The following ANAPC13 variants were observed in gnomAD, a reference collection of about 807,000 sequenced individuals.
The protein encoded by ANAPC13 is anaphase promoting complex subunit 13, also known as anaphase-promoting complex subunit 13.
In ANAPC13, 9 loss-of-function variants were observed where a neutral mutation model predicts 9.6. That is an observed-to-expected ratio of 0.94 (90% confidence interval 0.57 to 1.64). ANAPC13 has a LOEUF of 1.64. Ranked by LOEUF, ANAPC13 falls within the 40% of genes most tolerant of loss-of-function variation. The probability of loss-of-function intolerance (pLI) is 0.00; values close to 1 mark genes in which losing one functional copy is unlikely to be tolerated. For synonymous variants in ANAPC13, 30 were observed against 29.7 expected (o/e 1.01, Z -0.03); for missense variants, 75 against 85.3 (o/e 0.88, Z 0.48).
intron 2 of ANAPC13, among the ~76,000 whole-genome samples, chr3:134,480,154 G>A (rs1052711128): frequency 2.6e-4 from 40 of 152,208 alleles, no homozygotes; most frequent in African/African-American, 9.1e-4. Context: ...TTATTGTAAC[G>A]CAATAATATA....
chr3:134,481,561 T>C (rs781742507), intron 2 of ANAPC13, among the ~76,000 whole-genome samples: 22 of 152,218 alleles, frequency 1.4e-4, no homozygotes, highest in Admixed American at 1.3e-3. Flanking sequence ...TGCCCCCACC[T>C]AGAATATTTA....
At chr3:134,480,020 T>C (rs1463079606) in intron 2 of ANAPC13, among the ~76,000 whole-genome samples, 1 of 152,224 alleles carries the variant, frequency 6.6e-6, no homozygotes, top group Admixed American at 6.5e-5. Context: ...TGAATATGTT[T>C]TCCCCTCTAA....
rs776755714 is a variant in ANAPC13 at position 134,482,885 on chromosome 3, C to T, written c.20G>A (p.Arg7Lys). MDSEVQ[R>K]DGRILDLIDD... ...AATCAAATCCAAGATCCTTCCATCT[C>T]TCTGAACCTCACTGTCCATTTTCCT... The change falls in exon 2 of 3, where the codon AGA (arginine) becomes AAA (lysine). Residue 7 changes from arginine (R) to lysine (K), a missense_variant. Coordinates refer to ENST00000354910, the MANE Select transcript of ANAPC13 (RefSeq NM_015391.4). The T allele has an allele frequency of 1.2e-5, 19 of 1,614,072 alleles. No homozygotes were observed. The highest frequency in any genetic ancestry group is 1.7e-6 in the Non-Finnish European group (2 of 1,179,996).
chr3:134,482,932 C>T lies in ANAPC13; in HGVS notation c.-27-1G>A. ...TCCTGCAGCTTTGATCTTGTCAAAT[C>T]TGTAAGCCAAAGAGGTTATTTCTTA... On this transcript the variant is annotated splice_acceptor_variant, in intron 1 of 2. Coordinates refer to ENST00000354910, the MANE Select transcript of ANAPC13 (RefSeq NM_015391.4). LOFTEE classifies it low-confidence loss of function (5UTR_SPLICE). 6.4e-7 allele frequency: 1 copy of T among 1,570,342 alleles called. No homozygotes were observed. Among genetic ancestry groups the T allele is most frequent in the Non-Finnish European group, 8.8e-7 (1 of 1,140,112 alleles).
chr3:134,485,989 A>G (rs1283754068), upstream of ANAPC13: 5 of 822,080 alleles, frequency 6.1e-6, no homozygotes, highest in East Asian at 2.6e-4. Flanking sequence ...TGCTCCTGCC[A>G]CGCCCCCCCC....
intron 1 of ANAPC13, 147 bp downstream of exon 1, chr3:134,485,805 C>T (rs1447747799): frequency 1.5e-5 from 3 of 202,522 alleles, no homozygotes; most frequent in South Asian, 3.5e-4. Flanking sequence ...AAGTCCCTTT[C>T]CTCCCGACAC....
rs558388673 is a variant in ANAPC13, at chr3:134,483,195, C to T, written c.-27-264G>A. On this transcript the variant is annotated intron_variant, in intron 1 of 2. Transcript: ENST00000354910. ...CAGGAGAGCAACACGTTAAACGAGGCCCTCAAATATTAATATGTTGCATCT... is the reference window on the plus strand; with the variant it reads ...CAGGAGAGCAACACGTTAAACGAGGTCCTCAAATATTAATATGTTGCATCT... 5 of 387,284 alleles carry T rather than the reference C, an allele frequency of 1.3e-5. No homozygotes were observed. The East Asian group carries it at 1.7e-4, about 13-fold the overall frequency. 24.0% of individuals were successfully genotyped at this position (387,284 alleles called of 1,614,324 possible). A position where few individuals can be genotyped will look rare whatever the true frequency, so the allele number is the denominator to read the frequency against.
chr3:134,484,795 G>T (rs1270991278), intron 1 of ANAPC13, among the ~76,000 whole-genome samples: 3 of 152,172 alleles, frequency 2.0e-5, no homozygotes, highest in Non-Finnish European at 4.4e-5. Context: ...GGCCCACGTA[G>T]ATTTTCCACC....
At chr3:134,483,359 GT>G in intron 1 of ANAPC13, 5 of 162,722 alleles carry the variant, frequency 3.1e-5, no homozygotes, top group Non-Finnish European at 6.8e-5. Context: ...AGGCACAGGA[GT>G]CACACGAACA....
At chr3:134,485,865 G>T (rs1460497339) in intron 1 of ANAPC13, 87 bp downstream of exon 1, 2 of 464,374 alleles carry the variant, frequency 4.3e-6, no homozygotes, top group East Asian at 3.1e-4. Context: ...AGCCTCGGCC[G>T]ATGGGAATAG....
At chr3:134,480,871 G>A (rs1934719724) in intron 2 of ANAPC13, among the ~76,000 whole-genome samples, 6 of 152,196 alleles carry the variant, frequency 3.9e-5, no homozygotes. Flanking sequence ...AAGTCACTAA[G>A]CTTTGGGGTG....
rs368766554 is a variant in ANAPC13 at position 134,478,583 on chromosome 3, C to T, written c.*7G>A. The T allele has an allele frequency of 1.4e-5, 23 of 1,611,386 alleles. No individual in the cohort carries two copies. In the African/African-American group the frequency reaches 2.9e-4, roughly 21 times the overall value. On this transcript the variant is annotated 3_prime_UTR_variant, in exon 3 of 3. Coordinates refer to ENST00000354910, the MANE Select transcript of ANAPC13 (RefSeq NM_015391.4). ...AGAAAATCCATCCACAAGAAAGGAG[C>T]CAAGCGTCAGTTTCCAATGGGGGGA...
intron 2 of ANAPC13, 200 bp downstream of exon 2, chr3:134,482,606 T>A: frequency 1.7e-6 from 1 of 587,060 alleles, no homozygotes; most frequent in South Asian, 2.1e-5. Flanking sequence ...CTAACTGACC[T>A]GGCCATGTTA....
upstream of ANAPC13, chr3:134,485,991 G>GGGGCCCC: frequency 1.1e-6 from 1 of 938,170 alleles, no homozygotes; most frequent in Non-Finnish European, 1.3e-6. Flanking sequence ...CTCCTGCCAC[G>GGGGCCCC]CCCCCCCCCC....
chr3:134,485,991 GCCCC>G (rs5852785), upstream of ANAPC13: 1 of 938,130 alleles, frequency 1.1e-6, no homozygotes, highest in Non-Finnish European at 1.3e-6. Context: ...CTCCTGCCAC[GCCCC>G]CCCCCCCTCC....
At chr3:134,483,410 C>T (rs1167674093) in intron 1 of ANAPC13, among the ~76,000 whole-genome samples, 1 of 152,156 alleles carries the variant, frequency 6.6e-6, no homozygotes, top group East Asian at 1.9e-4. Flanking sequence ...AAATAGTACC[C>T]AGGCTGAGAT....
chr3:134,482,827 A>G lies in ANAPC13; in HGVS notation c.78T>C (p.Tyr26=). The part of the protein sequence containing the change: ...DDAWREDKLP[Y]EDVAIPLNEL... The stretch of plus-strand genomic sequence containing the variant: ...CTACCAGTGGTATTGCGACATCCTC[A>G]TAAGGCAGCTTGTCTTCTCGCCAAG... The change falls in exon 2 of 3, where the codon TAT becomes TAC. Residue 26 remains tyrosine (Y), a synonymous_variant. Coordinates refer to ENST00000354910, the MANE Select transcript of ANAPC13 (RefSeq NM_015391.4). The G allele has an allele frequency of 6.2e-7, 1 of 1,614,186 alleles. No homozygotes were observed. The highest frequency in any genetic ancestry group is 8.5e-7 in the Non-Finnish European group (1 of 1,180,016).
chr3:134,483,192 A>T (rs1934778653), intron 1 of ANAPC13: 2 of 394,656 alleles, frequency 5.1e-6, no homozygotes, highest in Non-Finnish European at 9.2e-6. Context: ...ACGTTAAACG[A>T]GGCCCTCAAA....
upstream of ANAPC13, chr3:134,485,991 G>GGGGCCCCC: frequency 4.3e-6 from 4 of 938,170 alleles, no homozygotes; most frequent in African/African-American, 1.9e-5. Flanking sequence ...CTCCTGCCAC[G>GGGGCCCCC]CCCCCCCCCC....
Sources: gnomAD v4.1 joint callset for allele counts (sites outside exome capture counted in the v4.1 genomes callset) on GRCh38, gnomAD v4.1.1 for gene constraint, MANE v1.5 for transcripts, NCBI Gene and HGNC (gene_info 2026-07-23, HGNC 2026-07-21) for gene names.